Variants in KIAA1549 observed in about 807,000 individuals in gnomAD.
KIAA1549 encodes KIAA1549.
KIAA1549 carries 70 observed loss-of-function variants against 156.4 expected under a neutral mutation model. The observed-to-expected ratio is 0.45, with a 90% confidence interval of 0.37 to 0.55. KIAA1549 has a LOEUF of 0.55. Ranked by LOEUF, KIAA1549 falls within the 20% of genes least tolerant of loss-of-function variation. The pLI, the probability that KIAA1549 is intolerant of heterozygous loss-of-function variation, is 0.00. For synonymous variants in KIAA1549, 1,103 were observed against 1,066.4 expected (o/e 1.03, Z -0.67); for missense variants, 2,428 against 2,540.9 (o/e 0.96, Z 0.96).
intron 4 of KIAA1549, 104 bp downstream of exon 4, chr7:138,911,042 C>T (rs914016022): frequency 1.1e-6 from 1 of 919,476 alleles, no homozygotes; most frequent in African/African-American, 1.7e-5. Flanking sequence ...TAAAAATCAT[C>T]ATCATAATAA....
intron 1 of KIAA1549, among the ~76,000 whole-genome samples, chr7:138,943,706 G>A (rs984517507): frequency 4.6e-5 from 7 of 152,136 alleles, no homozygotes; most frequent in African/African-American, 7.2e-5. Flanking sequence ...AAATTTAGCC[G>A]GGTGTAGTGG....
chr7:138,880,009 C>A (rs1397922272), intron 11 of KIAA1549, among the ~76,000 whole-genome samples: 1 of 152,236 alleles, frequency 6.6e-6, no homozygotes, highest in African/African-American at 2.4e-5. Flanking sequence ...TTGGATCAAA[C>A]AGGACCTGGG....
chr7:138,844,380 T>C lies in KIAA1549; in HGVS notation c.5389A>G (p.Arg1797Gly), dbSNP rs1199463933. The change falls in exon 18 of 20, where the codon AGA becomes GGA. Residue 1797 changes from arginine to glycine, a missense_variant. This residue lies in a region of KIAA1549 where 363 missense variants were observed against 354.0 expected (regional missense o/e 1.03). Transcript: ENST00000422774. ...QASAEAPFAARGIYSEEMPSV... is the reference protein window; with the variant it reads ...QASAEAPFAAGGIYSEEMPSV... ...GGCATCTCCTCCGAGTAGATCCCTC[T>C]GGCAGCAAATGGGGCTTCGGCGGAG... The C allele has an allele frequency of 1.9e-6, 3 of 1,612,110 alleles. No individual in the cohort carries two copies. The highest frequency in any genetic ancestry group is 2.5e-6 in the Non-Finnish European group (3 of 1,178,990).
rs754644557 is a variant in KIAA1549, at chr7:138,917,483, C to T, written c.2143G>A (p.Glu715Lys). ...NTIMLLPSRS[E>K]VSPWSSFPSD... is the part of the protein sequence containing the mutation. Reference sequence around the variant, plus strand: ...GGGAAGCTTGACCATGGTGACACCTCAGAACGGCTAGGTAGCAACATGATG... The same window carrying T: ...GGGAAGCTTGACCATGGTGACACCTTAGAACGGCTAGGTAGCAACATGATG... The change falls in exon 2 of 20, where the codon GAG becomes AAG. Residue 715 changes from glutamate (E) to lysine (K), a missense_variant. Glu to Lys is a moderately conservative substitution (Grantham distance 56). Coordinates refer to ENST00000422774, the MANE Select transcript of KIAA1549 (RefSeq NM_001164665.2). 5 of 1,613,792 alleles carry T rather than the reference C, an allele frequency of 3.1e-6. No homozygotes were observed. In the South Asian group the frequency reaches 5.5e-5, roughly 18 times the overall value.
chr7:138,980,134 T>C (rs1563102157), intron 1 of KIAA1549, among the ~76,000 whole-genome samples: 1 of 152,138 alleles, frequency 6.6e-6, no homozygotes. Flanking sequence ...CTTTCTGGTT[T>C]TTGTTCTGTG....
Position 138,918,473 on chromosome 7 carries a change from T to C in KIAA1549, c.1153A>G (p.Ser385Gly). ...TDVSSNPFLPSDSSKTSELHS... is the reference protein window; with the variant it reads ...TDVSSNPFLPGDSSKTSELHS... ...AATTCGGATGTTTTGCTGGAGTCGC[T>C]AGGGAGAAAGGGGTTAGATGAAACA... The change falls in exon 2 of 20, where the codon AGC becomes GGC. Residue 385 changes from serine to glycine, a missense_variant. Transcript: ENST00000422774. The surrounding 1 kb of genome is among the most constrained non-coding windows in gnomAD (Gnocchi z 4.2). 6.2e-7 allele frequency: 1 copy of C among 1,613,830 alleles called. No homozygotes were observed. The highest frequency in any genetic ancestry group is 8.5e-7 in the Non-Finnish European group (1 of 1,179,848).
Position 138,917,038 on chromosome 7 carries a change from AGCTCTGTGG to A in KIAA1549, c.2579_2587del (p.Pro860_Glu862del), listed in dbSNP as rs1812346160. The A allele has an allele frequency of 1.2e-6, 2 of 1,607,290 alleles. No homozygotes were observed. Among genetic ancestry groups the A allele is most frequent in the African/African-American group, 1.3e-5 (1 of 74,954 alleles). ...TGTGAGTGATGGGCCCACGACGGTC[AGCTCTGTGG>A]GCAGAGGGAAGGGGGTTGCTTCAGA... On this transcript the variant is annotated inframe_deletion, in exon 2 of 20. Coordinates refer to ENST00000422774, the MANE Select transcript of KIAA1549 (RefSeq NM_001164665.2).
chr7:138,840,379 C>G, intron 18 of KIAA1549, 101 bp from the exon 19 acceptor site: 1 of 1,017,544 alleles, frequency 9.8e-7, no homozygotes. Context: ...GACCACTACA[C>G]TCCTTAATGA....
intron 16 of KIAA1549, among the ~76,000 whole-genome samples, chr7:138,860,611 G>A (rs1264367759): frequency 1.3e-5 from 2 of 152,172 alleles, no homozygotes; most frequent in African/African-American, 4.8e-5. Flanking sequence ...AAAGGCAGAT[G>A]AAATGCTGAA....
Position 138,836,488 on chromosome 7 carries a change from A to C in KIAA1549, c.*1418T>G, listed in dbSNP as rs1241797969. The C allele has an allele frequency of 4.7e-6, 1 of 214,874 alleles. No individual in the cohort carries two copies. The highest frequency in any genetic ancestry group is 9.4e-6 in the Non-Finnish European group (1 of 106,506). The allele number at this position is 214,874 out of a possible 1,614,324, so 13.3% of individuals were successfully genotyped here. On this transcript the variant is annotated 3_prime_UTR_variant, in exon 20 of 20. Coordinates refer to ENST00000422774, the MANE Select transcript of KIAA1549 (RefSeq NM_001164665.2). ...ATGCATCCCCATCATTAAGCGATGCATGACTGTCTTCGCTGATCTAATAAA... is the reference window on the plus strand; with the variant it reads ...ATGCATCCCCATCATTAAGCGATGCCTGACTGTCTTCGCTGATCTAATAAA...
At chr7:138,898,046 C>T (rs1394887854) in intron 9 of KIAA1549, among the ~76,000 whole-genome samples, 8 of 151,802 alleles carry the variant, frequency 5.3e-5, no homozygotes, top group African/African-American at 1.9e-4. Context: ...TGGCTCACAC[C>T]TGCAGTAATC....
chr7:138,976,552 A>G (rs1315406326), intron 1 of KIAA1549, among the ~76,000 whole-genome samples: 3 of 152,102 alleles, frequency 2.0e-5, no homozygotes, highest in Admixed American at 6.5e-5. Flanking sequence ...GACTGTTAGA[A>G]CTGTTCTGTT....
chr7:138,869,817 G>T, intron 13 of KIAA1549, 56 bp from the exon 14 acceptor site: 3 of 1,229,830 alleles, frequency 2.4e-6, no homozygotes, highest in South Asian at 1.3e-5. Context: ...AAGCTTCTGG[G>T]ACACACACTT....
chr7:138,924,838 A>G (rs1470130892), intron 1 of KIAA1549, among the ~76,000 whole-genome samples: 1 of 152,126 alleles, frequency 6.6e-6, no homozygotes, highest in Non-Finnish European at 1.5e-5. Context: ...TTCAAGCTCT[A>G]AAGCATAGGT....
chr7:138,871,229 C>T lies in KIAA1549; in HGVS notation c.4479G>A (p.Pro1493=), dbSNP rs551844143. ...PSKIQLIAMQ[P]IPAPPVQRPS... is the part of the protein sequence containing the mutation. ...GGCGCTGGACGGGAGGTGCCGGGATCGGCTGCATGGCGATAAGCTGGATCT... is the reference window on the plus strand; with the variant it reads ...GGCGCTGGACGGGAGGTGCCGGGATTGGCTGCATGGCGATAAGCTGGATCT... The change falls in exon 13 of 20, where the codon CCG becomes CCA. Residue 1493 remains proline (P), a synonymous_variant. Coordinates refer to ENST00000422774, the MANE Select transcript of KIAA1549 (RefSeq NM_001164665.2). 1.3e-4 allele frequency: 206 copies of T among 1,613,190 alleles called. 1 individual carries two copies. The highest frequency in any genetic ancestry group is 9.9e-4 in the Middle Eastern group (6 of 6,058).
chr7:138,868,007 C>G lies in KIAA1549; in HGVS notation c.4897G>C (p.Gly1633Arg). Residue 1633 changes from glycine to arginine, a missense_variant, in exon 15 of 20, where the codon GGC becomes CGC. Physicochemically the swap from Gly to Arg is moderately radical, Grantham distance 125 (BLOSUM62 -2). Transcript: ENST00000422774. ...CCGATGTAGGCTGAGTTGTGGACGCCGGGGGGCCTCCTGTAGGTGCCATCG... is the reference window on the plus strand; with the variant it reads ...CCGATGTAGGCTGAGTTGTGGACGCGGGGGGGCCTCCTGTAGGTGCCATCG... ...DSDGTYRRPP[G>R]VHNSAYIGCP... 6.2e-7 allele frequency: 1 copy of G among 1,613,880 alleles called. No homozygotes were observed. Among genetic ancestry groups the G allele is most frequent in the Non-Finnish European group, 8.5e-7 (1 of 1,179,824 alleles).
chr7:138,889,297 C>T (rs1400465922), intron 10 of KIAA1549, among the ~76,000 whole-genome samples: 1 of 152,118 alleles, frequency 6.6e-6, no homozygotes, highest in Non-Finnish European at 1.5e-5. Context: ...AGCCTAGGCA[C>T]CTAAATGTCT....
At chr7:138,909,179 A>C in intron 4 of KIAA1549, 58 bp from the exon 5 acceptor site, 1 of 1,545,658 alleles carries the variant, frequency 6.5e-7, no homozygotes, top group South Asian at 1.2e-5. Context: ...CTGAAGTATT[A>C]AGGAATCAAG....
In KIAA1549 at chr7:138,838,037, G is replaced by C; in HGVS notation, c.5722C>G (p.Leu1908Val). 3 of 1,605,706 alleles carry C rather than the reference G, an allele frequency of 1.9e-6. No individual in the cohort carries two copies. Among genetic ancestry groups the C allele is most frequent in the Non-Finnish European group, 2.6e-6 (3 of 1,176,390 alleles). ...TCCGTGGAGCTGGTGGGGTAACCCAGCCCAGGGCCCTGCAGTCCCCGGTGG... is the reference window on the plus strand; with the variant it reads ...TCCGTGGAGCTGGTGGGGTAACCCACCCCAGGGCCCTGCAGTCCCCGGTGG... ...LPHRGLQGPG[L>V]GYPTSSTEDL... Residue 1908 changes from leucine (L) to valine (V), a missense_variant, in exon 20 of 20, where the codon CTG becomes GTG. Leu to Val is a conservative substitution (Grantham distance 32). Around this residue, in one of 5 missense-constraint regions of KIAA1549, gnomAD observed 363 missense variants for 354.0 expected, o/e 1.03. Coordinates refer to ENST00000422774, the MANE Select transcript of KIAA1549 (RefSeq NM_001164665.2).
Sources: allele counts gnomAD v4.1 joint callset (sites outside exome capture counted in the v4.1 genomes callset), GRCh38; gene constraint gnomAD v4.1.1; regional missense constraint gnomAD v4.1.1; non-coding constraint Gnocchi (gnomAD v3.1); transcripts MANE v1.5; gene names NCBI Gene and HGNC (gene_info 2026-07-23, HGNC 2026-07-21).